The following DMD variants were observed in gnomAD, a reference collection of about 807,000 sequenced individuals.
The protein encoded by DMD is mutant dystrophin.
Under a neutral mutation model 330.1 loss-of-function variants are expected in DMD, and 63 were observed. The observed-to-expected ratio is 0.19, with a 90% confidence interval of 0.16 to 0.24. The LOEUF (loss-of-function observed/expected upper bound fraction) is 0.24. Among genes scored for constraint, DMD ranks in the 10% least tolerant of loss-of-function variants. The probability of loss-of-function intolerance (pLI) is 1.00; values close to 1 mark genes in which losing one functional copy is unlikely to be tolerated. For synonymous variants in DMD, 1,223 were observed against 959.8 expected (o/e 1.27, Z -5.07); for missense variants, 3,344 against 2,684.1 (o/e 1.25, Z -5.43).
At chrX:32,787,566 T>C (rs1179962029) in intron 7 of DMD, among the ~76,000 whole-genome samples, 2 of 111,260 alleles carry the variant, frequency 1.8e-5, no homozygotes, top group African/African-American at 6.5e-5. Context: ...GTTTTTCCCA[T>C]ACATATACAT....
intron 9 of DMD, among the ~76,000 whole-genome samples, chrX:32,654,952 T>C (rs2146992092): frequency 8.9e-6 from 1 of 112,231 alleles, no homozygotes; most frequent in African/African-American, 3.2e-5. Context: ...GTTTACAGTT[T>C]TCTCTGATGG....
intron 35 of DMD, 31 bp downstream of exon 35, chrX:32,364,989 G>A (rs1161091729): frequency 2.1e-5 from 25 of 1,198,991 alleles, no homozygotes; most frequent in Non-Finnish European, 2.7e-5. Flanking sequence ...TGACAGAGAA[G>A]GGTGTAAAAG....
chrX:31,523,156 G>C (rs2072984376), intron 55 of DMD, among the ~76,000 whole-genome samples: 1 of 111,227 alleles, frequency 9.0e-6, no homozygotes, highest in South Asian at 3.9e-4. Context: ...AAGTGATGCC[G>C]ATACTGCTAG....
Position 32,614,393 on chromosome X carries a change from T to C in DMD, c.1392A>G (p.Leu464=). The part of the protein sequence containing the change: ...NQKLKELNDW[L]TKTEERTRKM... ...TCCTTGTTCTTTCTTCTGTTTTTGT[T>C]AGCCAGTCATTCAACTCTTTCAGTT... Residue 464 remains leucine (L), a synonymous_variant, in exon 12 of 79, where the codon CTA becomes CTG. Transcript: ENST00000357033. The C allele has an allele frequency of 8.3e-7, 1 of 1,207,819 alleles. No homozygotes were observed. Among genetic ancestry groups the C allele is most frequent in the African/African-American group, 1.7e-5 (1 of 57,564 alleles).
At chrX:32,183,640 G>A (rs2096935757) in intron 44 of DMD, among the ~76,000 whole-genome samples, 1 of 105,666 alleles carries the variant, frequency 9.5e-6, no homozygotes, top group South Asian at 4.1e-4. Context: ...ACAAGATGGA[G>A]ATGACACTAA....
At chrX:31,489,855 G>A (rs971864357) in intron 57 of DMD, among the ~76,000 whole-genome samples, 7 of 112,258 alleles carry the variant, frequency 6.2e-5, no homozygotes, top group Non-Finnish European at 7.5e-5. Context: ...GTTTTAAAGA[G>A]TATTTGTCAG....
At chrX:32,246,307 T>C (rs1302346410) in intron 43 of DMD, among the ~76,000 whole-genome samples, 2 of 101,973 alleles carry the variant, frequency 2.0e-5, no homozygotes, top group Non-Finnish European at 4.0e-5. Context: ...ATCCCAAGGA[T>C]GAAGCCCACT....
At chrX:32,512,579 AAACC>A (rs2045449362) in intron 18 of DMD, among the ~76,000 whole-genome samples, 1 of 112,581 alleles carries the variant, frequency 8.9e-6, no homozygotes, top group South Asian at 3.6e-4. Context: ...TGATTTCTAG[AAACC>A]AACAATGGAA....
chrX:32,807,859 TCTTA>T (rs746420243), intron 7 of DMD, among the ~76,000 whole-genome samples: 10 of 111,815 alleles, frequency 8.9e-5, no homozygotes, highest in Non-Finnish European at 1.9e-4. Context: ...TTAAATCTTC[TCTTA>T]CTGTTTTATG....
Position 32,695,825 on chromosome X carries a change from G to A in DMD, c.960+2045C>T, listed in dbSNP as rs950732097. On this transcript the variant is annotated intron_variant, in intron 9 of 78. Coordinates refer to ENST00000357033, the MANE Select transcript of DMD (RefSeq NM_004006.3). ...ATAAGAATGCCAAGATATTTCCCAT[G>A]AGTTTCATAAGCTAAAGAAGTTGGA... Among the ~76,000 whole-genome samples the A allele has an allele frequency of 9.0e-5, 10 of 111,602 alleles. No homozygotes were observed. In the East Asian group the frequency reaches 2.2e-3, roughly 25 times the overall value.
intron 44 of DMD, among the ~76,000 whole-genome samples, chrX:32,117,228 A>G (rs1210059647): frequency 9.0e-6 from 1 of 110,942 alleles, no homozygotes; most frequent in Non-Finnish European, 1.9e-5. Context: ...ACATGGAGAA[A>G]TGGTCCATGC....
intron 30 of DMD, among the ~76,000 whole-genome samples, chrX:32,393,249 C>G (rs1250668806): frequency 9.0e-6 from 1 of 110,753 alleles, no homozygotes; most frequent in East Asian, 2.8e-4. Flanking sequence ...TATATGCATA[C>G]TGGATACGCA....
At chrX:31,238,235 C>T (rs759942916) in intron 63 of DMD, among the ~76,000 whole-genome samples, 2 of 111,505 alleles carry the variant, frequency 1.8e-5, no homozygotes, top group East Asian at 2.8e-4. Context: ...GGATTGCCTC[C>T]TACTTCATAG....
chrX:31,341,891 G>GCGCGCGCGCACACACACACACA (rs374298104), intron 61 of DMD, among the ~76,000 whole-genome samples: 62 of 98,875 alleles, frequency 6.3e-4, no homozygotes, highest in Non-Finnish European at 9.0e-4. Context: ...GTGCGCGCGC[G>GCGCGCGCGCACACACACACACA]CACACACACA....
chrX:31,814,890 C>T (rs2092579320), intron 50 of DMD, among the ~76,000 whole-genome samples: 1 of 112,159 alleles, frequency 8.9e-6, no homozygotes, highest in Admixed American at 9.5e-5. Context: ...AACAGCTCTG[C>T]AGGGCAAATA....
chrX:32,612,958 C>T (rs1602155030), intron 12 of DMD, among the ~76,000 whole-genome samples: 1 of 110,678 alleles, frequency 9.0e-6, no homozygotes, highest in Admixed American at 9.7e-5. Flanking sequence ...CTTTCATTTG[C>T]ATGGAAGAAC....
chrX:32,105,477 C>G (rs908613576), intron 44 of DMD, among the ~76,000 whole-genome samples: 2 of 111,763 alleles, frequency 1.8e-5, no homozygotes, highest in African/African-American at 6.5e-5. Context: ...ATGTGGAAAA[C>G]TGGTTTTAAT....
intron 4 of DMD, among the ~76,000 whole-genome samples, chrX:32,841,658 T>A (rs1268445067): frequency 9.0e-6 from 1 of 111,649 alleles, no homozygotes. Context: ...AAATACTGAG[T>A]CTTAACCTAT....
At chrX:32,252,533 C>T (rs576532483) in intron 43 of DMD, among the ~76,000 whole-genome samples, 2 of 96,788 alleles carry the variant, frequency 2.1e-5, no homozygotes, top group South Asian at 8.7e-4. Context: ...TAAATGAATA[C>T]AGAAATAAAA....
Sources: allele counts gnomAD v4.1 joint callset (sites outside exome capture counted in the v4.1 genomes callset), GRCh38; gene constraint gnomAD v4.1.1; transcripts MANE v1.5; gene names NCBI Gene and HGNC (gene_info 2026-07-23, HGNC 2026-07-21).